Variants in KCND2 observed in about 807,000 individuals in gnomAD.
The protein encoded by KCND2 is A-type voltage-gated potassium channel KCND2.
KCND2 carries 16 observed loss-of-function variants against 54.4 expected under a neutral mutation model. The ratio of observed to expected loss-of-function variants is 0.29; its 90% confidence interval spans 0.20 to 0.45. The LOEUF (loss-of-function observed/expected upper bound fraction) is 0.45, where lower values mean the gene tolerates loss of function less well. KCND2 is among the 20% of genes least tolerant of loss of function. The pLI is 1.00. For synonymous variants in KCND2, 317 were observed against 310.7 expected (o/e 1.02, Z -0.21); for missense variants, 486 against 824.2 (o/e 0.59, Z 5.02).
At chr7:120,514,139 G>C (rs1250550960) in intron 1 of KCND2, among the ~76,000 whole-genome samples, 3 of 151,936 alleles carry the variant, frequency 2.0e-5, no homozygotes, top group African/African-American at 7.3e-5. Context: ...TGCTTACAAG[G>C]TATAAGTTCC....
intron 1 of KCND2, among the ~76,000 whole-genome samples, chr7:120,407,073 T>C (rs1456005726): frequency 6.6e-6 from 1 of 151,888 alleles, no homozygotes; most frequent in East Asian, 1.9e-4. Context: ...AAAAAAAATT[T>C]CCTATAATAC....
At chr7:120,383,944 T>C (rs1800951625) in intron 1 of KCND2, among the ~76,000 whole-genome samples, 1 of 152,048 alleles carries the variant, frequency 6.6e-6, no homozygotes, top group East Asian at 1.9e-4. Context: ...ATCTGGCAAA[T>C]GTACAAGGAT....
chr7:120,314,077 A>G (rs1799779075), intron 1 of KCND2, among the ~76,000 whole-genome samples: 1 of 151,900 alleles, frequency 6.6e-6, no homozygotes, highest in Non-Finnish European at 1.5e-5. Context: ...TACAAAAAAA[A>G]AAAAGCCAAC....
At chr7:120,637,512 A>C (rs1215277068) in intron 1 of KCND2, among the ~76,000 whole-genome samples, 1 of 152,112 alleles carries the variant, frequency 6.6e-6, no homozygotes, top group Non-Finnish European at 1.5e-5. Flanking sequence ...GCAAGAAATA[A>C]CTCAGTGTAA....
intron 1 of KCND2, among the ~76,000 whole-genome samples, chr7:120,632,805 TC>T (rs1231515005): frequency 6.6e-6 from 1 of 152,162 alleles, no homozygotes; most frequent in East Asian, 1.9e-4. Flanking sequence ...AAAATCTTGC[TC>T]TGTTACCTTC....
intron 1 of KCND2, among the ~76,000 whole-genome samples, chr7:120,702,608 C>A (rs1792417600): frequency 1.3e-5 from 2 of 152,106 alleles, no homozygotes; most frequent in African/African-American, 4.8e-5. Context: ...TACTATGCAG[C>A]CATAAAAAAG....
intron 1 of KCND2, among the ~76,000 whole-genome samples, chr7:120,354,584 T>C (rs1346563140): frequency 1.3e-5 from 2 of 152,202 alleles, no homozygotes. Flanking sequence ...TCCACAGTTA[T>C]CTGAGAAAGC....
chr7:120,350,770 A>G (rs1351958291), intron 1 of KCND2, among the ~76,000 whole-genome samples: 1 of 152,196 alleles, frequency 6.6e-6, no homozygotes, highest in Non-Finnish European at 1.5e-5. Flanking sequence ...GATAGCCTAT[A>G]ACTGAACAAT....
At chr7:120,624,196 T>G (rs959198440) in intron 1 of KCND2, among the ~76,000 whole-genome samples, 5 of 152,194 alleles carry the variant, frequency 3.3e-5, no homozygotes, top group African/African-American at 9.6e-5. Context: ...TAAAGCATCC[T>G]TACACATCCC....
rs191741585 is a variant in KCND2, at chr7:120,743,124, C to T, written c.1467+522C>T. Among the ~76,000 whole-genome samples, 233 of 152,182 alleles carry T rather than the reference C, an allele frequency of 1.5e-3. 2 individuals are homozygous for T. The highest frequency in any genetic ancestry group is 5.3e-3 in the African/African-American group (219 of 41,524). On this transcript the variant is annotated intron_variant, in intron 4 of 5. Coordinates refer to ENST00000331113, the MANE Select transcript of KCND2 (RefSeq NM_012281.3). ...ATGACTCATGTAATCACTGGTATGCCCTTGGGTGCTAAGGAGTGAGTCTGT... is the reference window on the plus strand; with the variant it reads ...ATGACTCATGTAATCACTGGTATGCTCTTGGGTGCTAAGGAGTGAGTCTGT...
At position 120,749,131 on chromosome 7, in the gene KCND2, T is replaced by C. The variant is rs529676557; in HGVS notation, c.*1273T>C. ...ACTTGATGCATTATTTATTTTGCTT[T>C]AGATCTTGAATACATTTTGAGAATA... On this transcript the variant is annotated 3_prime_UTR_variant, in exon 6 of 6. Coordinates refer to ENST00000331113, the MANE Select transcript of KCND2 (RefSeq NM_012281.3). 6.6e-6 allele frequency: 1 copy of C among 152,006 alleles called. No homozygotes were observed. Among genetic ancestry groups the C allele is most frequent in the Non-Finnish European group, 1.5e-5 (1 of 67,890 alleles). 9.4% of individuals were successfully genotyped at this position (152,006 alleles called of 1,614,324 possible).
chr7:120,639,001 G>A (rs763290808), intron 1 of KCND2, among the ~76,000 whole-genome samples: 3 of 152,050 alleles, frequency 2.0e-5, no homozygotes, highest in East Asian at 1.9e-4. Flanking sequence ...ATTCTCCTGC[G>A]AGTGTTTTAA....
chr7:120,298,584 G>A (rs980444122), intron 1 of KCND2, among the ~76,000 whole-genome samples: 1 of 152,126 alleles, frequency 6.6e-6, no homozygotes, highest in African/African-American at 2.4e-5. Context: ...TAAGTGTTGA[G>A]AACCAGTCAC....
intron 1 of KCND2, among the ~76,000 whole-genome samples, chr7:120,539,478 G>A (rs1043547409): frequency 1.3e-5 from 2 of 152,148 alleles, no homozygotes; most frequent in African/African-American, 4.8e-5. Flanking sequence ...TGCTCACAAG[G>A]CATCAGAGCC....
At position 120,688,471 on chromosome 7, in the gene KCND2, A is replaced by G. The variant is rs1219066306; in HGVS notation, c.1116-44432A>G. 3.3e-5 allele frequency among the ~76,000 whole-genome samples: 5 copies of G among 152,188 alleles called. No individual in the cohort carries two copies. In the East Asian group the frequency reaches 9.6e-4, roughly 29 times the overall value. ...TTTCAAGTGATACAGAAACACGAGA[A>G]GGACCAACTTCACCCACGGTCTGAC... On this transcript the variant is annotated intron_variant, in intron 1 of 5. Transcript: ENST00000331113.
chr7:120,411,794 A>T (rs1801454270), intron 1 of KCND2, among the ~76,000 whole-genome samples: 1 of 151,942 alleles, frequency 6.6e-6, no homozygotes, highest in African/African-American at 2.4e-5. Flanking sequence ...GGTATTGGAA[A>T]TATAGTACAT....
intron 1 of KCND2, among the ~76,000 whole-genome samples, chr7:120,441,277 G>T (rs1374019224): frequency 6.6e-6 from 1 of 151,972 alleles, no homozygotes; most frequent in East Asian, 1.9e-4. Context: ...ATCTATGCTA[G>T]TAAAACAAGC....
chr7:120,443,530 A>G (rs527711881), intron 1 of KCND2, among the ~76,000 whole-genome samples: 6 of 152,032 alleles, frequency 3.9e-5, no homozygotes, highest in Non-Finnish European at 8.8e-5. Flanking sequence ...TCCTCATTGC[A>G]GGTTTTCCCC....
chr7:120,517,746 G>T (rs556116311), intron 1 of KCND2, among the ~76,000 whole-genome samples: 4 of 152,130 alleles, frequency 2.6e-5, no homozygotes, highest in African/African-American at 9.6e-5. Flanking sequence ...CATTTTATAG[G>T]TATACATGCA....
Sources: allele counts gnomAD v4.1 joint callset (sites outside exome capture counted in the v4.1 genomes callset), GRCh38; gene constraint gnomAD v4.1.1; transcripts MANE v1.5; gene names NCBI Gene and HGNC (gene_info 2026-07-23, HGNC 2026-07-21).